Variants in CALCR observed in about 807,000 individuals in gnomAD.
CALCR encodes calcitonin receptor.
A neutral mutation model predicts 59.5 loss-of-function variants in CALCR; 47 were observed. The observed-to-expected ratio is 0.79, with a 90% CI of 0.63 to 1.01. The LOEUF is 1.01. Ranked by LOEUF, CALCR falls within the 50% of genes least tolerant of loss-of-function variation. The pLI is 0.00. For missense variants in CALCR, 566 were observed against 597.1 expected, an observed-to-expected ratio of 0.95 and a Z score of 0.54; for synonymous variants, 213 against 211.3, an observed-to-expected ratio of 1.01 and a Z score of -0.07.
At chr7:93,509,751 G>A (rs1287156124) in intron 2 of CALCR, among the ~76,000 whole-genome samples, 2 of 152,084 alleles carry the variant, frequency 1.3e-5, no homozygotes, top group East Asian at 1.9e-4. Context: ...CCCTGACTAC[G>A]AACTTAGAAT....
chr7:93,479,456 C>T lies in CALCR; in HGVS notation c.103G>A (p.Glu35Lys), dbSNP rs758842769. Reference protein sequence around the residue: ...AFSNQTYPTIEPKPFLYVVGR... With the variant: ...AFSNQTYPTIKPKPFLYVVGR... ...ACGACGTAAAGAAATGGCTTGGGCT[C>T]TATTGTTGGATAGGTTTGATTTGAA... The change falls in exon 4 of 14, where the codon GAG (glutamate) becomes AAG (lysine). Residue 35 changes from glutamate to lysine, a missense_variant. By Grantham distance (56) the Glu-to-Lys change is moderately conservative. Coordinates refer to ENST00000426151, the MANE Select transcript of CALCR (RefSeq NM_001742.4). 1 of 1,612,310 alleles carries T rather than the reference C, an allele frequency of 6.2e-7. No homozygotes were observed. Among genetic ancestry groups the T allele is most frequent in the Non-Finnish European group, 8.5e-7 (1 of 1,179,028 alleles).
intron 9 of CALCR, 135 bp downstream of exon 9, chr7:93,443,469 C>A: frequency 3.9e-6 from 3 of 761,860 alleles, no homozygotes; most frequent in Non-Finnish European, 4.3e-6. Context: ...TGAACTCCTG[C>A]CAGTACCTGT....
rs553911690 is a variant in CALCR, at chr7:93,489,324, A to C, written c.-26-2317T>G. Among the ~76,000 whole-genome samples the C allele has an allele frequency of 2.6e-5, 4 of 152,032 alleles. No individual in the cohort carries two copies. In the South Asian group the frequency reaches 8.3e-4, roughly 32 times the overall value. On this transcript the variant is annotated intron_variant, in intron 2 of 13. Transcript: ENST00000426151. ...ACATCACAAAGCTGCAAAGATCTCA[A>C]ATCGACACCCTAATATCACAATTAA...
chr7:93,426,376 C>T lies in CALCR; in HGVS notation c.1405G>A (p.Glu469Lys). The T allele has an allele frequency of 6.2e-7, 1 of 1,605,930 alleles. No homozygotes were observed. Among genetic ancestry groups the T allele is most frequent in the Non-Finnish European group, 8.5e-7 (1 of 1,172,658 alleles). ...SAEIIPLNII[E>K]QESSA ...CACATTCAAGCAGATGACTCTTGCT[C>T]TATGATATTCAAAGGGATGATCTCA... The change falls in exon 14 of 14, where the codon GAG becomes AAG. Residue 469 changes from glutamate (E) to lysine (K), a missense_variant. Physicochemically the swap from Glu to Lys is moderately conservative, Grantham distance 56. Coordinates refer to ENST00000426151, the MANE Select transcript of CALCR (RefSeq NM_001742.4).
chr7:93,448,937 C>T (rs1354892535), intron 8 of CALCR, among the ~76,000 whole-genome samples: 1 of 151,922 alleles, frequency 6.6e-6, no homozygotes, highest in East Asian at 1.9e-4. Flanking sequence ...TTCTCTGTTT[C>T]TTTAGTTACT....
chr7:93,447,584 C>G (rs914437879), intron 8 of CALCR, among the ~76,000 whole-genome samples: 13 of 151,816 alleles, frequency 8.6e-5, no homozygotes, highest in African/African-American at 3.1e-4. Flanking sequence ...AGAAAGGAGA[C>G]CAGAGCTGAT....
chr7:93,465,478 A>T (rs1423746207), intron 7 of CALCR, among the ~76,000 whole-genome samples: 1 of 151,948 alleles, frequency 6.6e-6, no homozygotes, highest in Non-Finnish European at 1.5e-5. Context: ...CGAAGGTTTT[A>T]AACTAAATAC....
At chr7:93,568,835 A>G (rs772082672) in intron 2 of CALCR, among the ~76,000 whole-genome samples, 2 of 152,028 alleles carry the variant, frequency 1.3e-5, no homozygotes, top group Non-Finnish European at 2.9e-5. Flanking sequence ...TAATTTCTAT[A>G]TGCACTTCTA....
intron 2 of CALCR, among the ~76,000 whole-genome samples, chr7:93,490,052 G>A (rs1222715648): frequency 6.6e-6 from 1 of 151,446 alleles, no homozygotes; most frequent in African/African-American, 2.4e-5. Context: ...ATCAAAAAAC[G>A]TATCCACCAT....
At chr7:93,499,298 C>T (rs182322535) in intron 2 of CALCR, among the ~76,000 whole-genome samples, 58 of 151,806 alleles carry the variant, frequency 3.8e-4, no homozygotes, top group African/African-American at 1.4e-3. Context: ...GAGGAATGAG[C>T]AGTCCACTGG....
rs187941032 is a variant in CALCR at position 93,515,874 on chromosome 7, T to C, written c.-26-28867A>G. Among the ~76,000 whole-genome samples the C allele has an allele frequency of 7.9e-5, 12 of 152,142 alleles. 1 individual carries two copies. The East Asian group carries it at 2.3e-3, about 29-fold the overall frequency. ...CATTAAACAATTTTGCTTTTATCTCTTTATTTTTATTTCAATGTTTCCACA... is the reference window on the plus strand; with the variant it reads ...CATTAAACAATTTTGCTTTTATCTCCTTATTTTTATTTCAATGTTTCCACA... On this transcript the variant is annotated intron_variant, in intron 2 of 13. Coordinates refer to ENST00000426151, the MANE Select transcript of CALCR (RefSeq NM_001742.4).
chr7:93,426,605 G>A lies in CALCR; in HGVS notation c.1192-16C>T. 7.2e-7 allele frequency: 1 copy of A among 1,386,462 alleles called. No individual in the cohort carries two copies. The highest frequency in any genetic ancestry group is 1.0e-6 in the Non-Finnish European group (1 of 989,040). 85.9% of individuals were successfully genotyped at this position (1,386,462 alleles called of 1,614,324 possible). A position where few individuals can be genotyped will look rare whatever the true frequency, so the allele number is the denominator to read the frequency against. On this transcript the variant is annotated splice_polypyrimidine_tract_variant and intron_variant, in intron 13 of 13. Coordinates refer to ENST00000426151, the MANE Select transcript of CALCR (RefSeq NM_001742.4). The stretch of plus-strand genomic sequence containing the variant: ...TGGTTTGGACCTGGAAGAGAAAAAG[G>A]AGCCTTGTTTTTATATGATAGTCAG...
intron 2 of CALCR, among the ~76,000 whole-genome samples, chr7:93,503,714 G>C (rs1037084061): frequency 6.6e-6 from 1 of 152,150 alleles, no homozygotes; most frequent in African/African-American, 2.4e-5. Flanking sequence ...AAATAGTAGG[G>C]GAAAGAGGGA....
At chr7:93,460,591 A>ATATATATATATATATATATG (rs1346977328) in intron 8 of CALCR, among the ~76,000 whole-genome samples, 2 of 115,622 alleles carry the variant, frequency 1.7e-5, no homozygotes, top group African/African-American at 7.8e-5. Context: ...ATATATATAT[A>ATATATATATATATATATATG]TGTATATATA....
chr7:93,437,251 G>T (rs1018430928), intron 11 of CALCR, among the ~76,000 whole-genome samples: 4 of 151,902 alleles, frequency 2.6e-5, no homozygotes, highest in Non-Finnish European at 5.9e-5. Flanking sequence ...TTAAATATAG[G>T]AATAATTGCT....
chr7:93,487,123 C>G, intron 2 of CALCR, 116 bp from the exon 3 acceptor site: 1 of 586,880 alleles, frequency 1.7e-6, no homozygotes, highest in Non-Finnish European at 3.0e-6. Flanking sequence ...CCAAGACACC[C>G]TAAAAAACAC....
chr7:93,568,509 T>TTCTTTC (rs1789919145), intron 2 of CALCR, among the ~76,000 whole-genome samples: 4 of 102,430 alleles, frequency 3.9e-5, no homozygotes, highest in Non-Finnish European at 7.5e-5. Flanking sequence ...TAAAATTACT[T>TTCTTTC]TCTCTCTCTC....
At position 93,568,553 on chromosome 7, in the gene CALCR, C is replaced by CTG. The variant is rs1789924269; in HGVS notation, c.-27+5735_-27+5736insCA. 1.5e-5 allele frequency among the ~76,000 whole-genome samples: 2 copies of CTG among 137,602 alleles called. 1 individual carries two copies. The highest frequency in any genetic ancestry group is 4.8e-4 in the South Asian group (2 of 4,180). The allele number at this position is 137,602 out of a possible 152,430, so 90.3% of individuals were successfully genotyped here. A position where few individuals can be genotyped will look rare whatever the true frequency, so the allele number is the denominator to read the frequency against. ...TCTCTCTCTCTCTCTCTCTCTCTCTCTCTGTCTCTCTCCTGTAGTCTTTCA... is the reference window on the plus strand; with the variant it reads ...TCTCTCTCTCTCTCTCTCTCTCTCTCTGTCTGTCTCTCTCCTGTAGTCTTTCA... On this transcript the variant is annotated intron_variant, in intron 2 of 13. Coordinates refer to ENST00000426151, the MANE Select transcript of CALCR (RefSeq NM_001742.4).
At chr7:93,460,745 A>G (rs1298966458) in intron 8 of CALCR, 76 bp downstream of exon 8, 1 of 1,127,196 alleles carries the variant, frequency 8.9e-7, no homozygotes, top group Non-Finnish European at 1.2e-6. Flanking sequence ...TAAGTCCAAC[A>G]TGAACACCAT....
Sources: allele counts gnomAD v4.1 joint callset (sites outside exome capture counted in the v4.1 genomes callset), GRCh38; gene constraint gnomAD v4.1.1; transcripts MANE v1.5; gene names NCBI Gene and HGNC (gene_info 2026-07-23, HGNC 2026-07-21).